The following TBC1D1 variants were observed in gnomAD, a reference collection of about 807,000 sequenced individuals.
The protein encoded by TBC1D1 is TBC1 domain family member 1, also known as TBC1 (tre-2/USP6, BUB2, cdc16) domain family, member 1.
In TBC1D1, 89 loss-of-function variants were observed where a neutral mutation model predicts 125.6. The ratio of observed to expected loss-of-function variants is 0.71; its 90% CI spans 0.60 to 0.85. The LOEUF (loss-of-function observed/expected upper bound fraction) is 0.85. Ranked by LOEUF, TBC1D1 falls within the 40% of genes least tolerant of loss-of-function variation. The pLI is 0.00. For synonymous variants in TBC1D1, 565 were observed against 564.1 expected, an observed-to-expected ratio of 1.00 and a Z score of -0.02; for missense variants, 1,377 against 1,469.2, an observed-to-expected ratio of 0.94 and a Z score of 1.03.
chr4:37,900,715 A>T (rs1210685174), intron 1 of TBC1D1, among the ~76,000 whole-genome samples: 12 of 152,172 alleles, frequency 7.9e-5, no homozygotes, highest in Admixed American at 7.9e-4. Flanking sequence ...TCAGCTTTGA[A>T]CAAAAGGGTT....
intron 12 of TBC1D1, among the ~76,000 whole-genome samples, chr4:38,077,755 G>A (rs990532761): frequency 2.0e-5 from 3 of 151,666 alleles, no homozygotes; most frequent in African/African-American, 7.3e-5. Context: ...TTGTCTTCTG[G>A]ATGTTCAAGC....
At chr4:37,971,421 G>A (rs1415162518) in intron 2 of TBC1D1, among the ~76,000 whole-genome samples, 1 of 152,102 alleles carries the variant, frequency 6.6e-6, no homozygotes, top group Non-Finnish European at 1.5e-5. Flanking sequence ...AGAATTGAGA[G>A]CCGAACAAAA....
intron 12 of TBC1D1, among the ~76,000 whole-genome samples, chr4:38,061,690 GC>G (rs1317705458): frequency 6.6e-6 from 1 of 152,122 alleles, no homozygotes; most frequent in Non-Finnish European, 1.5e-5. Context: ...ATGTCAATAT[GC>G]CTAGTTTATA....
In TBC1D1 at chr4:38,114,772, GCTTTTTTTT is replaced by G. The variant is rs1407656343; in HGVS notation, c.2558-937_2558-929del. On this transcript the variant is annotated intron_variant, in intron 15 of 19. Coordinates refer to ENST00000261439, the MANE Select transcript of TBC1D1 (RefSeq NM_015173.4). The stretch of plus-strand genomic sequence containing the variant: ...TGTGAAAATAATCAGGATGTTGAGA[GCTTTTTTTT>G]TTTTCTTTTAAACTCTTTTTGGAAG... Among the ~76,000 whole-genome samples the G allele has an allele frequency of 9.9e-5, 15 of 151,764 alleles. No individual in the cohort carries two copies. In the East Asian group the frequency reaches 2.5e-3, roughly 25 times the overall value.
At chr4:37,998,543 T>G (rs1738321169) in intron 2 of TBC1D1, among the ~76,000 whole-genome samples, 1 of 152,140 alleles carries the variant, frequency 6.6e-6, no homozygotes, top group Admixed American at 6.5e-5. Flanking sequence ...CTCCTTGCTC[T>G]TAGGTGGTTT....
At chr4:38,009,927 T>C (rs542627338) in intron 2 of TBC1D1, among the ~76,000 whole-genome samples, 2 of 152,268 alleles carry the variant, frequency 1.3e-5, no homozygotes, top group South Asian at 4.1e-4. Flanking sequence ...TGTGCTATAG[T>C]TGGTTTTGAT....
At chr4:38,042,327 T>G (rs1748560054) in intron 8 of TBC1D1, among the ~76,000 whole-genome samples, 1 of 152,116 alleles carries the variant, frequency 6.6e-6, no homozygotes, top group Non-Finnish European at 1.5e-5. Context: ...CGATGTCAGC[T>G]CACTGCAATC....
chr4:38,063,729 A>G (rs946536149), intron 12 of TBC1D1, among the ~76,000 whole-genome samples: 1 of 151,970 alleles, frequency 6.6e-6, no homozygotes, highest in African/African-American at 2.4e-5. Context: ...CCTGGGTTCA[A>G]GTGATTCTCA....
rs1290983020 is a variant in TBC1D1 at position 38,018,375 on chromosome 4, C to G, written c.904C>G (p.Leu302Val). The G allele has an allele frequency of 1.2e-6, 2 of 1,609,908 alleles. No individual in the cohort carries two copies. Among genetic ancestry groups the G allele is most frequent in the Non-Finnish European group, 1.7e-6 (2 of 1,178,616 alleles). Residue 302 changes from leucine (L) to valine (V), a missense_variant, in exon 4 of 20, where the codon CTC becomes GTC. Transcript: ENST00000261439. Reference sequence around the variant, plus strand: ...TAAGATTGGCCAGTCTGAAGTTTACCTCATCAGTCCTGACACCAAAAAAAT... The same window carrying G: ...TAAGATTGGCCAGTCTGAAGTTTACGTCATCAGTCCTGACACCAAAAAAAT...
rs768342123 is a variant in TBC1D1 at position 37,902,523 on chromosome 4, T to C, written c.417+11T>C. The C allele has an allele frequency of 2.5e-6, 4 of 1,577,238 alleles. No homozygotes were observed. The highest frequency in any genetic ancestry group is 3.4e-4 in the Middle Eastern group (2 of 5,904). ...GATGATCAAACAAAAGTAAGTGAGA[T>C]GGAGATCCAAAAGACTAAGGTGTGG... On this transcript the variant is annotated intron_variant, in intron 2 of 19. Coordinates refer to ENST00000261439, the MANE Select transcript of TBC1D1 (RefSeq NM_015173.4).
intron 10 of TBC1D1, among the ~76,000 whole-genome samples, 182 bp from the exon 11 acceptor site, chr4:38,049,436 G>A (rs1192059723): frequency 6.6e-6 from 1 of 152,182 alleles, no homozygotes; most frequent in Non-Finnish European, 1.5e-5. Context: ...GTGTGTCCTT[G>A]AGGAGCGGGC....
intron 2 of TBC1D1, among the ~76,000 whole-genome samples, chr4:37,997,055 G>A (rs895606614): frequency 1.3e-5 from 2 of 152,210 alleles, no homozygotes; most frequent in Non-Finnish European, 2.9e-5. Context: ...AGGTGATTCC[G>A]TACTGTGTCC....
intron 2 of TBC1D1, among the ~76,000 whole-genome samples, chr4:37,928,135 T>A (rs183144884): frequency 3.5e-4 from 53 of 152,288 alleles, no homozygotes; most frequent in African/African-American, 1.3e-3. Context: ...TTTGCAAGGA[T>A]TCAATGAGTT....
intron 2 of TBC1D1, among the ~76,000 whole-genome samples, chr4:37,953,945 G>C (rs889041850): frequency 3.3e-5 from 5 of 152,132 alleles, no homozygotes; most frequent in African/African-American, 1.2e-4. Context: ...CTCCACTTCA[G>C]CCCTGCAAAA....
intron 11 of TBC1D1, 27 bp downstream of exon 12, chr4:38,052,087 G>T (rs1195598389): frequency 6.5e-7 from 1 of 1,550,062 alleles, no homozygotes; most frequent in African/African-American, 1.4e-5. Flanking sequence ...GGCAAGTTTG[G>T]TGTTGTCTGT....
chr4:38,007,032 G>A (rs542079737), intron 2 of TBC1D1: 22 of 395,428 alleles, frequency 5.6e-5, no homozygotes, highest in South Asian at 9.0e-5. Flanking sequence ...GGAATCAGTC[G>A]GCCTGGCGAC....
chr4:38,095,957 C>T lies in TBC1D1; in HGVS notation c.2265C>T (p.Arg755=). 1.2e-6 allele frequency: 2 copies of T among 1,613,724 alleles called. No homozygotes were observed. Among genetic ancestry groups the T allele is most frequent in the South Asian group, 2.2e-5 (2 of 91,028 alleles). The change falls in exon 14 of 20, where the codon CGC becomes CGT. Residue 755 remains arginine, a synonymous_variant. Coordinates refer to ENST00000261439, the MANE Select transcript of TBC1D1 (RefSeq NM_015173.4). The stretch of plus-strand genomic sequence containing the variant: ...CTGAAAATGATTTGCTGAACAAGCG[C>T]CTGAAGCTCGATTATGAAGAAATTA...
chr4:38,049,988 G>GCATCCC, intron 11 of TBC1D1, 90 bp downstream of exon 11: 1 of 1,392,088 alleles, frequency 7.2e-7, no homozygotes, highest in Non-Finnish European at 9.8e-7. Flanking sequence ...TATTGAGTGA[G>GCATCCC]AGAAATGAGT....
intron 2 of TBC1D1, among the ~76,000 whole-genome samples, chr4:37,915,847 A>T (rs1719617389): frequency 6.6e-6 from 1 of 151,892 alleles, no homozygotes; most frequent in African/African-American, 2.4e-5. Flanking sequence ...TTTCCCTTAG[A>T]GTTTTGTTCA....
Sources: allele counts gnomAD v4.1 joint callset (sites outside exome capture counted in the v4.1 genomes callset), GRCh38; gene constraint gnomAD v4.1.1; transcripts MANE v1.5; gene names NCBI Gene and HGNC (gene_info 2026-07-23, HGNC 2026-07-21).